The following MET variants were observed in gnomAD, a reference collection of about 807,000 sequenced individuals.
MET encodes the protein MET proto-oncogene, receptor tyrosine kinase, also known as hepatocyte growth factor receptor.
In MET, 48 loss-of-function variants were observed where a neutral mutation model predicts 133.1. The observed-to-expected ratio is 0.36, with a 90% CI of 0.29 to 0.46. The LOEUF (loss-of-function observed/expected upper bound fraction) is 0.46, where lower values mean the gene tolerates loss of function less well. Among genes scored for constraint, MET ranks in the 20% least tolerant of loss-of-function variants. The pLI, the probability that MET is intolerant of heterozygous loss-of-function variation, is 1.00. For synonymous variants in MET, 628 were observed against 616.5 expected (o/e 1.02, Z -0.28); for missense variants, 1,442 against 1,695.9 (o/e 0.85, Z 2.63).
intron 9 of MET, 36 bp downstream of exon 9, chr7:116,758,656 T>A (rs920820231): frequency 6.3e-7 from 1 of 1,595,838 alleles, no homozygotes; most frequent in Admixed American, 1.7e-5. Flanking sequence ...AAGAAAACAA[T>A]GAATACAAGG....
intron 11 of MET, among the ~76,000 whole-genome samples, chr7:116,767,990 GTGTGTGTGTGTGTGTGTATACATA>G (rs1459900088): frequency 6.7e-6 from 1 of 150,318 alleles, no homozygotes; most frequent in African/African-American, 2.4e-5. Flanking sequence ...GTGTGTGTGT[GTGTGTGTGTGTGTGTGTATACATA>G]TGTGTGTGTG....
intron 2 of MET, among the ~76,000 whole-genome samples, chr7:116,722,041 G>T (rs1792511708): frequency 6.6e-6 from 1 of 150,400 alleles, no homozygotes; most frequent in Non-Finnish European, 1.5e-5. Context: ...GGGTATCCTT[G>T]TTGACTTTCT....
At chr7:116,678,733 G>C (rs1464044444) in intron 1 of MET, among the ~76,000 whole-genome samples, 1 of 147,222 alleles carries the variant, frequency 6.8e-6, no homozygotes, top group Admixed American at 6.7e-5. Flanking sequence ...ATTGGGACCA[G>C]AGTGTATCTA....
chr7:116,736,749 ATATCC>A (rs1793228919), intron 3 of MET, among the ~76,000 whole-genome samples: 6 of 152,236 alleles, frequency 3.9e-5, no homozygotes, highest in African/African-American at 1.2e-4. Flanking sequence ...TAAAGAAAAA[ATATCC>A]TGTGACCTAA....
rs776054822 is a variant in MET at position 116,724,639 on chromosome 7, G to T, written c.1201-7029G>T. 234 of 437,312 alleles carry T rather than the reference G, an allele frequency of 5.4e-4. 1 individual carries two copies. The highest frequency in any genetic ancestry group is 7.0e-4 in the East Asian group (10 of 14,310). The allele number at this position is 437,312 out of a possible 1,614,324, so 27.1% of individuals were successfully genotyped here. A position where few individuals can be genotyped will look rare whatever the true frequency, so the allele number is the denominator to read the frequency against. On this transcript the variant is annotated intron_variant, in intron 2 of 20. Transcript: ENST00000397752. ...AACATCCCAAGCAATGATTTGTTCT[G>T]ACAGCAGACTGATAACAGTTTTTTT... is the stretch of plus-strand genomic sequence containing the variant.
At chr7:116,712,971 G>A (rs1225170663) in intron 2 of MET, among the ~76,000 whole-genome samples, 3 of 152,144 alleles carry the variant, frequency 2.0e-5, no homozygotes, top group East Asian at 1.9e-4. Context: ...GGGACTTTAC[G>A]CAATGCTTTA....
At chr7:116,681,583 C>A (rs781650156) in intron 1 of MET, among the ~76,000 whole-genome samples, 2 of 152,174 alleles carry the variant, frequency 1.3e-5, no homozygotes, top group African/African-American at 4.8e-5. Flanking sequence ...ATTCTAAATA[C>A]GAATTTAGAC....
chr7:116,672,922 G>T (rs1562868994), intron 1 of MET, among the ~76,000 whole-genome samples: 1 of 152,130 alleles, frequency 6.6e-6, no homozygotes, highest in Non-Finnish European at 1.5e-5. Flanking sequence ...TCGTCCCACC[G>T]TGATGCAGCT....
rs550791264 is a variant in MET at position 116,752,965 on chromosome 7, G to A, written c.1702-2390G>A. 4.6e-4 allele frequency among the ~76,000 whole-genome samples: 70 copies of A among 152,114 alleles called. 4 individuals are homozygous for A. The South Asian group carries it at 0.014, about 31-fold the overall frequency. The stretch of plus-strand genomic sequence containing the variant: ...GTTGGATGTCTTGTTCTCTCCTACT[G>A]GATTTCTACCATAATAATAATAAAC... On this transcript the variant is annotated intron_variant, in intron 5 of 20. Coordinates refer to ENST00000397752, the MANE Select transcript of MET (RefSeq NM_000245.4).
intron 1 of MET, among the ~76,000 whole-genome samples, chr7:116,683,156 A>G (rs1228488755): frequency 1.3e-5 from 2 of 152,106 alleles, no homozygotes; most frequent in Middle Eastern, 6.3e-3. Flanking sequence ...GGTTTATTTC[A>G]TCACCCAGGT....
chr7:116,780,201 C>T (rs1222727434), intron 17 of MET, among the ~76,000 whole-genome samples: 2 of 151,894 alleles, frequency 1.3e-5, no homozygotes, highest in Non-Finnish European at 2.9e-5. Flanking sequence ...AGTCACCAGG[C>T]CAGGACCAGG....
chr7:116,759,250 C>G, intron 9 of MET, 141 bp from the exon 10 acceptor site: 2 of 1,244,684 alleles, frequency 1.6e-6, no homozygotes, highest in Non-Finnish European at 2.2e-6. Context: ...TTCCAAAGAA[C>G]AGTTACCCAT....
chr7:116,738,176 T>C (rs1420555136), intron 3 of MET, among the ~76,000 whole-genome samples: 1 of 152,208 alleles, frequency 6.6e-6, no homozygotes, highest in Non-Finnish European at 1.5e-5. Flanking sequence ...TTTTGTGTTT[T>C]TGTTTTTGTT....
At chr7:116,786,896 T>G (rs939318211) in intron 19 of MET, among the ~76,000 whole-genome samples, 6 of 152,184 alleles carry the variant, frequency 3.9e-5, no homozygotes, top group African/African-American at 1.4e-4. Context: ...CTCATCCACC[T>G]CTCTGTGAAT....
intron 5 of MET, among the ~76,000 whole-genome samples, chr7:116,751,679 T>TA (rs1793926447): frequency 6.6e-6 from 1 of 152,188 alleles, no homozygotes; most frequent in Admixed American, 6.6e-5. Context: ...ATCTCATACT[T>TA]AAAGAGCAAT....
intron 1 of MET, among the ~76,000 whole-genome samples, chr7:116,697,215 C>G (rs1796995414): frequency 6.6e-6 from 1 of 152,110 alleles, no homozygotes; most frequent in East Asian, 1.9e-4. Context: ...TCTTTGCTTT[C>G]TTTTTTGCAC....
At chr7:116,700,794 C>T (rs971585559) in intron 2 of MET, among the ~76,000 whole-genome samples, 1 of 152,170 alleles carries the variant, frequency 6.6e-6, no homozygotes, top group African/African-American at 2.4e-5. Context: ...CTTGACATTA[C>T]TTAAAGGAAC....
At chr7:116,752,417 G>A (rs990710128) in intron 5 of MET, among the ~76,000 whole-genome samples, 2 of 152,214 alleles carry the variant, frequency 1.3e-5, no homozygotes, top group African/African-American at 4.8e-5. Flanking sequence ...CAGACAGGTA[G>A]GAGACCCAGC....
At chr7:116,775,261 T>C (rs1302499371) in intron 15 of MET, 150 bp downstream of exon 15, 3 of 784,374 alleles carry the variant, frequency 3.8e-6, no homozygotes, top group African/African-American at 3.4e-5. Context: ...TATAGAAATG[T>C]AGCCCTGTAA....
Sources: gnomAD v4.1 joint callset for allele counts (sites outside exome capture counted in the v4.1 genomes callset) on GRCh38, gnomAD v4.1.1 for gene constraint, MANE v1.5 for transcripts, NCBI Gene and HGNC (gene_info 2026-07-23, HGNC 2026-07-21) for gene names.